Variants in LRRTM4 observed in about 807,000 individuals in gnomAD.
The protein encoded by LRRTM4 is leucine rich repeat transmembrane neuronal 4.
Under a neutral mutation model 47.6 loss-of-function variants are expected in LRRTM4, and 25 were observed. That is an observed-to-expected ratio of 0.53 (90% confidence interval 0.38 to 0.73). The LOEUF is 0.73. Ranked by LOEUF, LRRTM4 falls within the 30% of genes least tolerant of loss-of-function variation. LRRTM4 has a pLI of 0.00. For synonymous variants in LRRTM4, 311 were observed against 269.5 expected (o/e 1.15, Z -1.51); for missense variants, 638 against 713.4 (o/e 0.89, Z 1.20).
At chr2:77,488,911 G>A (rs560584400) in intron 3 of LRRTM4, among the ~76,000 whole-genome samples, 2 of 151,132 alleles carry the variant, frequency 1.3e-5, no homozygotes, top group Admixed American at 6.6e-5. Flanking sequence ...ATGTATACAT[G>A]TGCCATGCAG....
chr2:77,286,786 T>G (rs2104115295), intron 3 of LRRTM4, among the ~76,000 whole-genome samples: 1 of 152,198 alleles, frequency 6.6e-6, no homozygotes, highest in South Asian at 2.1e-4. Flanking sequence ...TATTGTCATG[T>G]TTTTAATGAA....
chr2:77,175,540 T>C (rs1387355634), intron 3 of LRRTM4, among the ~76,000 whole-genome samples: 1 of 152,106 alleles, frequency 6.6e-6, no homozygotes, highest in Non-Finnish European at 1.5e-5. Context: ...CTCTCCATTA[T>C]CTCAAGCAGC....
chr2:76,891,950 A>G (rs894328689), intron 3 of LRRTM4, among the ~76,000 whole-genome samples: 1 of 151,736 alleles, frequency 6.6e-6, no homozygotes, highest in African/African-American at 2.4e-5. Context: ...AGATGAAAAA[A>G]TAATTTCTCT....
At chr2:76,791,140 C>CTT (rs1674949158) in intron 3 of LRRTM4, among the ~76,000 whole-genome samples, 1 of 152,120 alleles carries the variant, frequency 6.6e-6, no homozygotes, top group Non-Finnish European at 1.5e-5. Context: ...GCTACTTCTT[C>CTT]TTAAGTGAAA....
At chr2:77,126,139 C>T (rs1027577444) in intron 3 of LRRTM4, among the ~76,000 whole-genome samples, 5 of 151,236 alleles carry the variant, frequency 3.3e-5, no homozygotes, top group Admixed American at 2.6e-4. Flanking sequence ...ATTTGTTTAC[C>T]CCCACTCAAT....
At chr2:76,836,350 T>G (rs1046523232) in intron 3 of LRRTM4, among the ~76,000 whole-genome samples, 1 of 152,024 alleles carries the variant, frequency 6.6e-6, no homozygotes. Flanking sequence ...TTTCTTGGCA[T>G]ATTGTATTTG....
At chr2:77,320,466 A>C (rs1677756443) in intron 3 of LRRTM4, among the ~76,000 whole-genome samples, 1 of 152,306 alleles carries the variant, frequency 6.6e-6, no homozygotes, top group Middle Eastern at 3.4e-3. Context: ...AGATATTTGA[A>C]ATTACAATTA....
intron 3 of LRRTM4, among the ~76,000 whole-genome samples, chr2:77,430,602 T>C (rs1220035424): frequency 6.7e-6 from 1 of 149,138 alleles, no homozygotes; most frequent in Admixed American, 6.6e-5. Context: ...ATGCCTGTAA[T>C]CCCAGCTACT....
intron 3 of LRRTM4, among the ~76,000 whole-genome samples, chr2:76,776,573 T>C (rs1674006003): frequency 6.6e-6 from 1 of 152,224 alleles, no homozygotes; most frequent in Non-Finnish European, 1.5e-5. Context: ...GAAGTGTCTG[T>C]TCATGACCTT....
At chr2:77,208,050 C>G (rs961570792) in intron 3 of LRRTM4, among the ~76,000 whole-genome samples, 4 of 151,234 alleles carry the variant, frequency 2.6e-5, no homozygotes, top group African/African-American at 4.9e-5. Flanking sequence ...AGCTAATTTT[C>G]GTATTTTTAG....
chr2:77,181,156 A>G (rs755732151), intron 3 of LRRTM4, among the ~76,000 whole-genome samples: 16 of 152,154 alleles, frequency 1.1e-4, no homozygotes, highest in Non-Finnish European at 1.9e-4. Flanking sequence ...TGTAAACAAT[A>G]CTACAGGTAA....
At chr2:77,079,716 T>C (rs1680468993) in intron 3 of LRRTM4, among the ~76,000 whole-genome samples, 1 of 152,190 alleles carries the variant, frequency 6.6e-6, no homozygotes. Context: ...CCTGTTTCTA[T>C]GAAGCTTGAT....
Position 77,138,388 on chromosome 2 carries a change from A to AATG in LRRTM4, c.1551+379927_1551+379929dup, listed in dbSNP as rs1289896650. ...TGAATGACTACTGGGTACATAACGA[A>AATG]ATGAAGGCAGAAATAAAGATGTTGT... On this transcript the variant is annotated intron_variant, in intron 3 of 3. Transcript: ENST00000409884. 1.1e-4 allele frequency among the ~76,000 whole-genome samples: 16 copies of AATG among 152,320 alleles called. 2 individuals are homozygous for AATG. The highest frequency in any genetic ancestry group is 3.1e-4 in the African/African-American group (13 of 41,566).
At chr2:77,475,213 A>C (rs1230324677) in intron 3 of LRRTM4, among the ~76,000 whole-genome samples, 1 of 152,110 alleles carries the variant, frequency 6.6e-6, no homozygotes, top group African/African-American at 2.4e-5. Flanking sequence ...ATTCACACCT[A>C]TAAAGAAGCA....
intron 3 of LRRTM4, among the ~76,000 whole-genome samples, chr2:77,192,870 A>G (rs1356979891): frequency 2.0e-5 from 3 of 152,232 alleles, no homozygotes; most frequent in African/African-American, 7.2e-5. Flanking sequence ...TTAGCACAGT[A>G]GCACAAACTA....
At chr2:77,468,693 G>C (rs986674727) in intron 3 of LRRTM4, among the ~76,000 whole-genome samples, 3 of 152,094 alleles carry the variant, frequency 2.0e-5, no homozygotes, top group Non-Finnish European at 4.4e-5. Flanking sequence ...CATTCTGATT[G>C]ATTGGAGGAG....
At chr2:77,088,615 A>G (rs1463204974) in intron 3 of LRRTM4, among the ~76,000 whole-genome samples, 1 of 152,112 alleles carries the variant, frequency 6.6e-6, no homozygotes, top group Non-Finnish European at 1.5e-5. Context: ...CAGGTGAAAT[A>G]AACAGCCATG....
At chr2:76,751,631 T>C (rs1672851392) in intron 3 of LRRTM4, among the ~76,000 whole-genome samples, 1 of 152,112 alleles carries the variant, frequency 6.6e-6, no homozygotes, top group African/African-American at 2.4e-5. Flanking sequence ...TTATATCTTA[T>C]TCAATGAGAC....
chr2:77,335,031 T>A (rs1429942795), intron 3 of LRRTM4, among the ~76,000 whole-genome samples: 1 of 152,204 alleles, frequency 6.6e-6, no homozygotes, highest in Admixed American at 6.5e-5. Flanking sequence ...TTTAGCTTTT[T>A]CCTTTTCCTT....
Sources: gnomAD v4.1 joint callset for allele counts (sites outside exome capture counted in the v4.1 genomes callset) on GRCh38, gnomAD v4.1.1 for gene constraint, MANE v1.5 for transcripts, NCBI Gene and HGNC (gene_info 2026-07-23, HGNC 2026-07-21) for gene names.